Variants in DYSF observed in about 807,000 individuals in gnomAD.
DYSF encodes dysferlin, also known as dystrophy-associated fer-1-like 1.
Under a neutral mutation model 274.9 loss-of-function variants are expected in DYSF, and 212 were observed. The ratio of observed to expected loss-of-function variants is 0.77; its 90% CI spans 0.69 to 0.86. The LOEUF (loss-of-function observed/expected upper bound fraction) is 0.86. Among genes scored for constraint, DYSF ranks in the 40% least tolerant of loss-of-function variants. The pLI is 0.00. For missense variants in DYSF, 2,666 were observed against 2,783.2 expected (o/e 0.96, Z 0.95); for synonymous variants, 1,091 against 1,078.7 (o/e 1.01, Z -0.22).
chr2:71,463,902 G>A (rs1401577780), upstream of DYSF, among the ~76,000 whole-genome samples: 1 of 151,492 alleles, frequency 6.6e-6, no homozygotes, highest in Admixed American at 6.6e-5. Context: ...AGAAGGGAAG[G>A]GGGTCTGGAT....
intron 51 of DYSF, among the ~76,000 whole-genome samples, chr2:71,672,814 G>T (rs574104380): frequency 1.2e-4 from 19 of 152,344 alleles, no homozygotes; most frequent in African/African-American, 4.6e-4. Context: ...CTGCAGAAGG[G>T]CTGGGGCCCG....
chr2:71,582,638 A>G (rs943412435), intron 30 of DYSF, among the ~76,000 whole-genome samples: 7 of 152,184 alleles, frequency 4.6e-5, no homozygotes, highest in African/African-American at 1.7e-4. Context: ...GTGCTGGTCA[A>G]TGTTTAACAA....
In DYSF at chr2:71,526,299, G is replaced by A. The variant is rs746610724; in HGVS notation, c.1229G>A (p.Gly410Glu). ...CGGCCCACAGGCGTAGCCCTGCGAGGAGCCCACTTCTGCCTGAAGGTCTTC... is the reference window on the plus strand; with the variant it reads ...CGGCCCACAGGCGTAGCCCTGCGAGAAGCCCACTTCTGCCTGAAGGTCTTC... ...LLRPTGVALR[G>E]AHFCLKVFRA... Residue 410 changes from glycine to glutamate, a missense_variant, in exon 13 of 56, where the codon GGA (glycine) becomes GAA (glutamate). Gly to Glu is a moderately conservative substitution (Grantham distance 98). Around this residue, in one of 3 missense-constraint regions of DYSF, gnomAD observed 794 missense variants for 777.1 expected, o/e 1.02. Coordinates refer to ENST00000410020, the MANE Select transcript of DYSF (RefSeq NM_001130987.2). 39 of 1,614,100 alleles carry A rather than the reference G, an allele frequency of 2.4e-5. No individual in the cohort carries two copies. In the Admixed American group the frequency reaches 6.3e-4, roughly 26 times the overall value.
intron 4 of DYSF, among the ~76,000 whole-genome samples, chr2:71,506,064 T>A (rs1267648265): frequency 6.6e-6 from 1 of 152,160 alleles, no homozygotes; most frequent in Non-Finnish European, 1.5e-5. Flanking sequence ...GAGAGGTTAG[T>A]GAGGGCCACG....
chr2:71,477,701 G>A lies in DYSF; in HGVS notation c.92-3182G>A, dbSNP rs183740911. 3.7e-4 allele frequency among the ~76,000 whole-genome samples: 56 copies of A among 152,328 alleles called. 4 individuals are homozygous for A. Among genetic ancestry groups the A allele is most frequent in the East Asian group, 3.3e-3 (17 of 5,190 alleles). ...CGTGGGTGAAAGATTCATTCAAACT[G>A]CAAGATAGAACAATGAATTTTAATG... is the stretch of plus-strand genomic sequence containing the variant. On this transcript the variant is annotated intron_variant, in intron 1 of 55. Transcript: ENST00000410020.
intron 17 of DYSF, among the ~76,000 whole-genome samples, chr2:71,546,203 T>G (rs1330152195): frequency 6.6e-6 from 1 of 152,254 alleles, no homozygotes; most frequent in Non-Finnish European, 1.5e-5. Context: ...TGCAGCCCCC[T>G]CAGAACGCGT....
At chr2:71,634,000 T>TG (rs2094355328) in intron 41 of DYSF, among the ~76,000 whole-genome samples, 1 of 152,206 alleles carries the variant, frequency 6.6e-6, no homozygotes, top group Admixed American at 6.5e-5. Flanking sequence ...GGGATTAAGG[T>TG]GCTCATTAGA....
At chr2:71,475,455 C>T (rs368800932) in intron 1 of DYSF, among the ~76,000 whole-genome samples, 2 of 152,214 alleles carry the variant, frequency 1.3e-5, no homozygotes, top group South Asian at 2.1e-4. Flanking sequence ...CACTGCTACA[C>T]GGCTGTCCTG....
chr2:71,651,413 T>C lies in DYSF; in HGVS notation c.4627-4749T>C, dbSNP rs112566607. Among the ~76,000 whole-genome samples, 8 of 152,198 alleles carry C rather than the reference T, an allele frequency of 5.3e-5. 1 individual carries two copies. Among genetic ancestry groups the C allele is most frequent in the African/African-American group, 1.9e-4 (8 of 41,552 alleles). On this transcript the variant is annotated intron_variant, in intron 42 of 55. Transcript: ENST00000410020. Reference sequence around the variant, plus strand: ...TAGAAAAATTCTAAGTATATTTCTATGTTAATAGATTTGAAAATGTCCTTA... The same window carrying C: ...TAGAAAAATTCTAAGTATATTTCTACGTTAATAGATTTGAAAATGTCCTTA...
intron 41 of DYSF, among the ~76,000 whole-genome samples, chr2:71,642,044 G>C (rs1007137614): frequency 1.3e-5 from 2 of 152,070 alleles, no homozygotes; most frequent in African/African-American, 4.8e-5. Context: ...TAATTCCTTT[G>C]GAAATTTACT....
intron 42 of DYSF, among the ~76,000 whole-genome samples, chr2:71,649,137 CAA>C (rs376775027): frequency 1.1e-4 from 10 of 89,734 alleles, no homozygotes; most frequent in African/African-American, 2.6e-4. Flanking sequence ...ACTTTGTCTC[CAA>C]AAAAAAAAAA....
chr2:71,660,353 C>A (rs1350784990), intron 44 of DYSF, among the ~76,000 whole-genome samples: 1 of 152,196 alleles, frequency 6.6e-6, no homozygotes, highest in Non-Finnish European at 1.5e-5. Context: ...CCCATTCCCA[C>A]GGCTGGAGCC....
chr2:71,574,303 T>C lies in DYSF; in HGVS notation c.3334T>C (p.Trp1112Arg). 3 of 1,614,100 alleles carry C rather than the reference T, an allele frequency of 1.9e-6. No individual in the cohort carries two copies. Among genetic ancestry groups the C allele is most frequent in the South Asian group, 1.1e-5 (1 of 91,080 alleles). ...GACAGATGCCTTCCGCCGCCGCCGC[T>C]GGCGCCGTCGCATGGAGCCACTGGA... ...RKTDAFRRRR[W>R]RRRMEPLEKT... Residue 1112 changes from tryptophan (W) to arginine (R), a missense_variant, in exon 30 of 56, where the codon TGG becomes CGG. By Grantham distance (101) the Trp-to-Arg change is moderately radical. Around this residue, in one of 3 missense-constraint regions of DYSF, gnomAD observed 1,460 missense variants for 1,502.1 expected, o/e 0.97. Coordinates refer to ENST00000410020, the MANE Select transcript of DYSF (RefSeq NM_001130987.2).
chr2:71,564,907 G>A (rs986724050), intron 24 of DYSF, among the ~76,000 whole-genome samples: 3 of 152,158 alleles, frequency 2.0e-5, no homozygotes, highest in Admixed American at 6.5e-5. Context: ...GCTCATGCGC[G>A]GACATAGAGC....
At chr2:71,561,035 C>A (rs2091716794) in intron 22 of DYSF, among the ~76,000 whole-genome samples, 1 of 152,126 alleles carries the variant, frequency 6.6e-6, no homozygotes, top group African/African-American at 2.4e-5. Context: ...ACTTTCAGGG[C>A]GCCTCCGTGG....
chr2:71,487,546 T>C (rs1449303082), intron 3 of DYSF, among the ~76,000 whole-genome samples: 1 of 152,196 alleles, frequency 6.6e-6, no homozygotes, highest in African/African-American at 2.4e-5. Flanking sequence ...TCTCGCTCTG[T>C]CGCCCAGGAA....
intron 4 of DYSF, among the ~76,000 whole-genome samples, chr2:71,510,082 G>A (rs1421330088): frequency 1.3e-5 from 2 of 152,196 alleles, no homozygotes; most frequent in Admixed American, 6.5e-5. Flanking sequence ...CTCTTTTGAT[G>A]TGTTTTTAAG....
intron 42 of DYSF, among the ~76,000 whole-genome samples, chr2:71,652,043 C>T (rs570631987): frequency 2.6e-5 from 4 of 152,188 alleles, no homozygotes; most frequent in Non-Finnish European, 5.9e-5. Context: ...AACTTCATGA[C>T]TTCAGAAGGT....
intron 36 of DYSF, among the ~76,000 whole-genome samples, chr2:71,606,216 G>C (rs2093644303): frequency 6.6e-6 from 1 of 152,154 alleles, no homozygotes; most frequent in South Asian, 2.1e-4. Flanking sequence ...GATGGCTTCA[G>C]CTCTGGTAGG....
Sources: allele counts gnomAD v4.1 joint callset (sites outside exome capture counted in the v4.1 genomes callset), GRCh38; gene constraint gnomAD v4.1.1; regional missense constraint gnomAD v4.1.1; transcripts MANE v1.5; gene names NCBI Gene and HGNC (gene_info 2026-07-23, HGNC 2026-07-21).